The following CCDC6 variants were observed in gnomAD, a reference collection of about 807,000 sequenced individuals.
The protein encoded by CCDC6 is coiled-coil domain-containing protein 6.
Under a neutral mutation model 56.6 loss-of-function variants are expected in CCDC6, and 20 were observed. That is an observed-to-expected ratio of 0.35 (90% CI 0.25 to 0.51). The LOEUF (loss-of-function observed/expected upper bound fraction) is 0.51, where lower values mean the gene tolerates loss of function less well. Among genes scored for constraint, CCDC6 ranks in the 20% least tolerant of loss-of-function variants. The pLI is 0.95. For missense variants in CCDC6, 367 were observed against 601.1 expected (o/e 0.61, Z 4.07); for synonymous variants, 241 against 234.4 (o/e 1.03, Z -0.26).
At chr10:59,807,781 C>T (rs559872291) in intron 5 of CCDC6, among the ~76,000 whole-genome samples, 1 of 152,092 alleles carries the variant, frequency 6.6e-6, no homozygotes, top group Admixed American at 6.6e-5. Flanking sequence ...CCCATGGGCT[C>T]TGCTCTAGAC....
At chr10:59,875,782 TG>T (rs1211120097) in intron 1 of CCDC6, among the ~76,000 whole-genome samples, 3 of 152,194 alleles carry the variant, frequency 2.0e-5, no homozygotes, top group Admixed American at 2.0e-4. Flanking sequence ...CAGAGACCTC[TG>T]TATGCAATTT....
intron 5 of CCDC6, among the ~76,000 whole-genome samples, chr10:59,810,751 G>T (rs1404056042): frequency 6.6e-6 from 1 of 152,006 alleles, no homozygotes; most frequent in Non-Finnish European, 1.5e-5. Flanking sequence ...TATGGTGCTA[G>T]AATAGTGATT....
chr10:59,848,846 T>C (rs1244877617), intron 2 of CCDC6, among the ~76,000 whole-genome samples: 1 of 152,178 alleles, frequency 6.6e-6, no homozygotes, highest in African/African-American at 2.4e-5. Flanking sequence ...CCTGAGTAGC[T>C]GAGATTACAG....
chr10:59,873,256 C>A (rs2071247408), intron 1 of CCDC6, among the ~76,000 whole-genome samples: 1 of 152,088 alleles, frequency 6.6e-6, no homozygotes, highest in African/African-American at 2.4e-5. Flanking sequence ...AGGTTCTTTG[C>A]AGATGTAATC....
chr10:59,872,311 CTTCCAGCAGA>C (rs1564753393), intron 1 of CCDC6, among the ~76,000 whole-genome samples: 1 of 152,242 alleles, frequency 6.6e-6, no homozygotes, highest in Non-Finnish European at 1.5e-5. Flanking sequence ...CTGGATGTTT[CTTCCAGCAGA>C]TTCCCCAACC....
At chr10:59,881,218 T>A (rs1243538323) in intron 1 of CCDC6, among the ~76,000 whole-genome samples, 1 of 152,132 alleles carries the variant, frequency 6.6e-6, no homozygotes, top group Non-Finnish European at 1.5e-5. Flanking sequence ...TCACCACTGT[T>A]CCTGGGCCCC....
chr10:59,852,513 A>G, intron 2 of CCDC6, 40 bp downstream of exon 2: 1 of 1,509,856 alleles, frequency 6.6e-7, no homozygotes, highest in Non-Finnish European at 8.8e-7. Flanking sequence ...TAGAAAGGAA[A>G]ATAGGCAGGG....
intron 2 of CCDC6, among the ~76,000 whole-genome samples, chr10:59,842,573 T>G (rs984801461): frequency 2.6e-5 from 4 of 152,204 alleles, no homozygotes; most frequent in African/African-American, 9.6e-5. Flanking sequence ...TGCATTGTCC[T>G]TTTAATATAT....
intron 3 of CCDC6, among the ~76,000 whole-genome samples, chr10:59,818,498 G>T (rs544100540): frequency 2.0e-4 from 23 of 116,462 alleles, no homozygotes; most frequent in Non-Finnish European, 2.8e-4. Context: ...ATGTTGACGG[G>T]GGGGGGGGAA....
chr10:59,805,445 GAAA>G (rs2070612915), intron 6 of CCDC6: 1 of 152,178 alleles, frequency 6.6e-6, no homozygotes, highest in Non-Finnish European at 1.5e-5. Context: ...CAAACTTTCT[GAAA>G]TGAATACCGG....
chr10:59,818,498 G>GGGGT (rs1554883204), intron 3 of CCDC6, among the ~76,000 whole-genome samples: 1 of 116,462 alleles, frequency 8.6e-6, no homozygotes, highest in Admixed American at 7.9e-5. Flanking sequence ...ATGTTGACGG[G>GGGGT]GGGGGGGGAA....
rs1370761013 is a variant in CCDC6 at position 59,901,602 on chromosome 10, A to G, written c.303+4520T>C. 4.6e-5 allele frequency among the ~76,000 whole-genome samples: 7 copies of G among 152,352 alleles called. No homozygotes were observed. The East Asian group carries it at 1.3e-3, about 29-fold the overall frequency. ...GGATTAATTTTACAGTCAGAGAGAC[A>G]CTTAAATATCAGTGATTTATTATAG... On this transcript the variant is annotated intron_variant, in intron 1 of 8. Coordinates refer to ENST00000263102, the MANE Select transcript of CCDC6 (RefSeq NM_005436.5).
chr10:59,847,058 T>TA (rs1564747704), intron 2 of CCDC6, among the ~76,000 whole-genome samples: 1 of 37,922 alleles, frequency 2.6e-5, no homozygotes, highest in East Asian at 3.7e-4. Context: ...AATTAGAAAA[T>TA]TTTTTTTTTT....
intron 1 of CCDC6, among the ~76,000 whole-genome samples, chr10:59,861,977 A>G (rs2071132479): frequency 1.3e-5 from 2 of 152,208 alleles, no homozygotes; most frequent in South Asian, 2.1e-4. Flanking sequence ...AGTCCCAGTC[A>G]GGATAAATTC....
chr10:59,817,273 T>C (rs1472625636), intron 3 of CCDC6, among the ~76,000 whole-genome samples: 1 of 152,120 alleles, frequency 6.6e-6, no homozygotes, highest in South Asian at 2.1e-4. Flanking sequence ...CTTAACCCAC[T>C]GGGCTCAGGC....
intron 1 of CCDC6, among the ~76,000 whole-genome samples, chr10:59,895,170 C>T (rs2071452663): frequency 6.6e-6 from 1 of 152,086 alleles, no homozygotes; most frequent in African/African-American, 2.4e-5. Flanking sequence ...GGAGTGGTGG[C>T]ACACATCTGC....
At chr10:59,900,020 C>A (rs1338550414) in intron 1 of CCDC6, among the ~76,000 whole-genome samples, 1 of 152,188 alleles carries the variant, frequency 6.6e-6, no homozygotes, top group Non-Finnish European at 1.5e-5. Context: ...AGTGTTGGCA[C>A]CTTCATCACA....
At chr10:59,876,646 G>C (rs376396389) in intron 1 of CCDC6, among the ~76,000 whole-genome samples, 2 of 145,008 alleles carry the variant, frequency 1.4e-5, no homozygotes, top group Non-Finnish European at 3.0e-5. Flanking sequence ...AACTGTCCTA[G>C]CAAAAAACCC....
intron 2 of CCDC6, among the ~76,000 whole-genome samples, chr10:59,833,970 C>G (rs1012317659): frequency 6.6e-6 from 1 of 152,190 alleles, no homozygotes; most frequent in African/African-American, 2.4e-5. Context: ...TATCACTGAG[C>G]AAAGCCAAGA....
Sources: allele counts gnomAD v4.1 joint callset (sites outside exome capture counted in the v4.1 genomes callset), GRCh38; gene constraint gnomAD v4.1.1; transcripts MANE v1.5; gene names NCBI Gene and HGNC (gene_info 2026-07-23, HGNC 2026-07-21).